PHTF1: variants seen among roughly 807,000 people sequenced by gnomAD.
PHTF1 encodes putative homeodomain transcription factor 1.
Under a neutral mutation model 102.4 loss-of-function variants are expected in PHTF1, and 88 were observed. The ratio of observed to expected loss-of-function variants is 0.86; its 90% CI spans 0.72 to 1.03. PHTF1 has a LOEUF of 1.03. PHTF1 is among the 50% of genes least tolerant of loss of function. PHTF1 has a pLI of 0.00. For synonymous variants in PHTF1, 289 were observed against 305.2 expected (o/e 0.95, Z 0.55); for missense variants, 814 against 909.5 (o/e 0.89, Z 1.35).
intron 7 of PHTF1, among the ~76,000 whole-genome samples, chr1:113,717,574 T>C (rs2101284231): frequency 6.6e-6 from 1 of 152,304 alleles, no homozygotes; most frequent in South Asian, 2.1e-4. Flanking sequence ...AGTGTATTAG[T>C]TCATTTTCAT....
In PHTF1 at chr1:113,711,848, A is replaced by G. The variant is rs1214234386; in HGVS notation, c.958-13T>C. 6.2e-7 allele frequency: 1 copy of G among 1,611,762 alleles called. No individual in the cohort carries two copies. ...TGGTTTTCTTTACCTGCCAAAAATC[A>G]AACCAACAAGCAATAGGAAAATATG... On this transcript the variant is annotated splice_polypyrimidine_tract_variant and intron_variant, in intron 9 of 18. Transcript: ENST00000369604.
At chr1:113,713,250 A>G (rs898347360) in intron 8 of PHTF1, 29 bp downstream of exon 8, 1 of 1,597,374 alleles carries the variant, frequency 6.3e-7, no homozygotes. Flanking sequence ...GGGGAAAAAA[A>G]CCCCTTGTTA....
intron 15 of PHTF1, among the ~76,000 whole-genome samples, chr1:113,701,282 C>T (rs1649411074): frequency 6.6e-6 from 1 of 152,132 alleles, no homozygotes; most frequent in Non-Finnish European, 1.5e-5. Context: ...AATAACTTTG[C>T]TTTATGTCAA....
rs1164090546 is a variant in PHTF1, at chr1:113,710,355, G to C, written c.1168C>G (p.Pro390Ala). ...CTGGTGACAGATGACCGGCACTCTG[G>C]GCCATGTAGCAGGTCGTCCCATAAC... The part of the protein sequence containing the change: ...DMLWDDLLHG[P>A]ECRSSVTSDS... The change falls in exon 11 of 19, where the codon CCA becomes GCA. Residue 390 changes from proline to alanine, a missense_variant. Pro to Ala is a conservative substitution (Grantham distance 27, BLOSUM62 -1). Transcript: ENST00000369604. 6.2e-7 allele frequency: 1 copy of C among 1,614,108 alleles called. No individual in the cohort carries two copies. The highest frequency in any genetic ancestry group is 8.5e-7 in the Non-Finnish European group (1 of 1,180,016).
chr1:113,724,326 G>C (rs969811471), intron 7 of PHTF1, among the ~76,000 whole-genome samples: 1 of 152,042 alleles, frequency 6.6e-6, no homozygotes, highest in Non-Finnish European at 1.5e-5. Context: ...TGAGGCCTGA[G>C]GTCAGGAATT....
intron 12 of PHTF1, 102 bp from the exon 13 acceptor site, chr1:113,706,264 A>G (rs1650163811): frequency 1.0e-6 from 1 of 1,004,384 alleles, no homozygotes; most frequent in Admixed American, 2.6e-5. Flanking sequence ...ACACATTCTA[A>G]AAGTATAAAT....
Position 113,712,101 on chromosome 1 carries a change from G to A in PHTF1, c.796C>T (p.Arg266Cys), listed in dbSNP as rs746383553. The A allele has an allele frequency of 8.1e-6, 13 of 1,613,348 alleles. No individual in the cohort carries two copies. The highest frequency in any genetic ancestry group is 1.3e-5 in the African/African-American group (1 of 74,790). Residue 266 changes from arginine (R) to cysteine (C), a missense_variant, in exon 9 of 19, where the codon CGT becomes TGT. Coordinates refer to ENST00000369604, the MANE Select transcript of PHTF1 (RefSeq NM_001323043.2). ...GEKCRREAFRRLGNGVSDDLS... is the reference protein window; with the variant it reads ...GEKCRREAFRCLGNGVSDDLS... ...TCATCAGACACCCCATTACCCAAAC[G>A]CCTAAAAGCCTCCTACAAAGAGAAC...
Position 113,734,030 on chromosome 1 carries a change from C to G in PHTF1, c.331+4080G>C, listed in dbSNP as rs551131060. Among the ~76,000 whole-genome samples the G allele has an allele frequency of 3.3e-5, 5 of 152,188 alleles. No individual in the cohort carries two copies. The South Asian group carries it at 1.0e-3, about 32-fold the overall frequency. ...ATCCCAGCACTTTGGGAGGCCAAGG[C>G]GGGTGGATCACCTGAGGTCAGGAGT... On this transcript the variant is annotated intron_variant, in intron 5 of 18. Coordinates refer to ENST00000369604, the MANE Select transcript of PHTF1 (RefSeq NM_001323043.2).
chr1:113,718,837 CT>C (rs1430920898), intron 7 of PHTF1, among the ~76,000 whole-genome samples: 2 of 152,198 alleles, frequency 1.3e-5, no homozygotes, highest in Admixed American at 6.5e-5. Context: ...CTTTTTCCTC[CT>C]AGGCCTCCAG....
At chr1:113,700,725 C>A in intron 16 of PHTF1, 69 bp downstream of exon 16, 1 of 1,435,500 alleles carries the variant, frequency 7.0e-7, no homozygotes, top group Non-Finnish European at 9.7e-7. Context: ...CCTGAATCCT[C>A]TGCAGGAACC....
chr1:113,752,297 T>C (rs1055225892), intron 3 of PHTF1, among the ~76,000 whole-genome samples: 3 of 151,936 alleles, frequency 2.0e-5, no homozygotes, highest in Admixed American at 2.0e-4. Flanking sequence ...TATTTTTGAA[T>C]TATTCATTGT....
intron 17 of PHTF1, 143 bp from the exon 18 acceptor site, chr1:113,698,530 C>G: frequency 1.6e-6 from 1 of 638,462 alleles, no homozygotes; most frequent in Non-Finnish European, 2.6e-6. Flanking sequence ...TTCAAAAAAT[C>G]CATAACGTGT....
At chr1:113,720,581 A>G (rs536626946) in intron 7 of PHTF1, among the ~76,000 whole-genome samples, 1 of 152,320 alleles carries the variant, frequency 6.6e-6, no homozygotes, top group South Asian at 2.1e-4. Context: ...AATTAAAATG[A>G]TATCAAGTAT....
chr1:113,731,608 T>C (rs572817771), intron 5 of PHTF1, among the ~76,000 whole-genome samples: 2 of 151,744 alleles, frequency 1.3e-5, no homozygotes, highest in East Asian at 3.9e-4. Context: ...GAAGTCCTGA[T>C]TAAGGCCAGG....
chr1:113,704,152 G>A lies in PHTF1; in HGVS notation c.1819C>T (p.Arg607Cys), dbSNP rs772930960. 7 of 1,612,168 alleles carry A rather than the reference G, an allele frequency of 4.3e-6. No individual in the cohort carries two copies. Among genetic ancestry groups the A allele is most frequent in the East Asian group, 4.5e-5 (2 of 44,868 alleles). ...GAGGATACAACCACATCAACTGAAC[G>A]CTGTGGCCCCCGTCTCTGTGGAGTG... ...RSYLKRRGPQRSVDVVVSSVF... is the reference protein window; with the variant it reads ...RSYLKRRGPQCSVDVVVSSVF... The change falls in exon 15 of 19, where the codon CGT becomes TGT. Residue 607 changes from arginine (R) to cysteine (C), a missense_variant. Arg to Cys is a radical substitution (Grantham distance 180, BLOSUM62 -3). Coordinates refer to ENST00000369604, the MANE Select transcript of PHTF1 (RefSeq NM_001323043.2).
chr1:113,740,469 C>G (rs1293585170), intron 3 of PHTF1, among the ~76,000 whole-genome samples: 1 of 151,854 alleles, frequency 6.6e-6, no homozygotes, highest in African/African-American at 2.4e-5. Context: ...TATATTAATC[C>G]CTTTTCAGAT....
intron 3 of PHTF1, among the ~76,000 whole-genome samples, chr1:113,746,376 T>C (rs77636718): frequency 6.6e-6 from 1 of 152,146 alleles, no homozygotes; most frequent in African/African-American, 2.4e-5. Flanking sequence ...GAAGGTCACA[T>C]TCAGCTCACA....
In PHTF1 at chr1:113,726,468, C is replaced by T. The variant is rs1571170990; in HGVS notation, c.438G>A (p.Val146=). 1 of 1,611,264 alleles carries T rather than the reference C, an allele frequency of 6.2e-7. No individual in the cohort carries two copies. The highest frequency in any genetic ancestry group is 1.7e-4 in the Middle Eastern group (1 of 6,046). ...CTGATGGTCTTGTTATCTGAGTAGA[C>T]ACAATTTGACAGTGGACAGTTCCCA... The part of the protein sequence containing the change: ...LLMGTVHCQI[V]STQITRPSGN... The change falls in exon 6 of 19, where the codon GTG becomes GTA. Residue 146 remains valine (V), a synonymous_variant. Coordinates refer to ENST00000369604, the MANE Select transcript of PHTF1 (RefSeq NM_001323043.2).
chr1:113,700,707 G>T, intron 16 of PHTF1, 87 bp downstream of exon 16: 2 of 1,257,182 alleles, frequency 1.6e-6, no homozygotes, highest in Non-Finnish European at 2.3e-6. Context: ...GCTAGACAGT[G>T]ATTAAACCCT....
Sources: allele counts gnomAD v4.1 joint callset (sites outside exome capture counted in the v4.1 genomes callset), GRCh38; gene constraint gnomAD v4.1.1; transcripts MANE v1.5; gene names NCBI Gene and HGNC (gene_info 2026-07-23, HGNC 2026-07-21).